Variants in SLC8A3 observed in about 807,000 individuals in gnomAD.
SLC8A3 encodes the protein sodium/calcium exchanger 3.
In SLC8A3, 37 loss-of-function variants were observed where a neutral mutation model predicts 65.4. The observed-to-expected ratio is 0.57, with a 90% CI of 0.44 to 0.74. The LOEUF (loss-of-function observed/expected upper bound fraction) is 0.74. SLC8A3 is among the 30% of genes least tolerant of loss of function. SLC8A3 has a pLI of 0.00. For missense variants in SLC8A3, 1,112 were observed against 1,172.1 expected, an observed-to-expected ratio of 0.95 and a Z score of 0.75; for synonymous variants, 461 against 444.5, an observed-to-expected ratio of 1.04 and a Z score of -0.47.
At chr14:70,063,108 G>C (rs1403426293) in intron 2 of SLC8A3, among the ~76,000 whole-genome samples, 1 of 152,160 alleles carries the variant, frequency 6.6e-6, no homozygotes, top group Non-Finnish European at 1.5e-5. Flanking sequence ...ATTTGGGTCA[G>C]GATGATCTCC....
At chr14:70,168,842 T>G (rs1897327411) in intron 1 of SLC8A3, among the ~76,000 whole-genome samples, 1 of 152,212 alleles carries the variant, frequency 6.6e-6, no homozygotes, top group East Asian at 1.9e-4. Context: ...ATTTATACTG[T>G]TTCTGGGGTG....
intron 2 of SLC8A3, among the ~76,000 whole-genome samples, chr14:70,095,074 A>G (rs1892073611): frequency 1.3e-5 from 2 of 151,624 alleles, no homozygotes; most frequent in East Asian, 1.9e-4. Context: ...GCAAGCGCTC[A>G]CCTCATAGAG....
intron 2 of SLC8A3, among the ~76,000 whole-genome samples, chr14:70,064,958 G>A (rs980596704): frequency 6.6e-6 from 1 of 152,056 alleles, no homozygotes; most frequent in African/African-American, 2.4e-5. Context: ...ATTTCCCAGG[G>A]AAGATGTTTA....
intron 2 of SLC8A3, among the ~76,000 whole-genome samples, chr14:70,084,412 G>T (rs17107768): frequency 6.6e-6 from 1 of 152,056 alleles, no homozygotes; most frequent in Admixed American, 6.5e-5. Context: ...TCCTGTGAGC[G>T]GGTGGTTATC....
intron 2 of SLC8A3, among the ~76,000 whole-genome samples, chr14:70,159,074 A>G (rs914397186): frequency 1.3e-5 from 2 of 152,146 alleles, no homozygotes; most frequent in African/African-American, 4.8e-5. Context: ...AACTTTCTCA[A>G]ACTGGGTTCT....
chr14:70,143,630 C>T (rs369840999), intron 2 of SLC8A3, among the ~76,000 whole-genome samples: 5 of 152,192 alleles, frequency 3.3e-5, no homozygotes, highest in South Asian at 2.1e-4. Flanking sequence ...TCAAGCTTCC[C>T]GGGTAATTCT....
At chr14:70,052,644 T>G (rs1361633328) in intron 3 of SLC8A3, among the ~76,000 whole-genome samples, 1 of 152,246 alleles carries the variant, frequency 6.6e-6, no homozygotes, top group Non-Finnish European at 1.5e-5. Context: ...GATGAGTCCA[T>G]TTTAAGAGCA....
chr14:70,168,585 T>C (rs1897319442), intron 1 of SLC8A3, 101 bp from the exon 2 acceptor site: 1 of 607,382 alleles, frequency 1.6e-6, no homozygotes, highest in Non-Finnish European at 2.9e-6. Flanking sequence ...CAGTGACATA[T>C]TGCACTAACA....
intron 2 of SLC8A3, 38 bp from the exon 3 acceptor site, chr14:70,060,977 T>G (rs991989116): frequency 1.0e-6 from 1 of 964,384 alleles, no homozygotes; most frequent in African/African-American, 1.6e-5. Flanking sequence ...GTCGACTGGG[T>G]CGGTAGATTG....
At position 70,044,949 on chromosome 14, in the gene SLC8A3, G is replaced by C. The variant is rs761445147; in HGVS notation, c.*998C>G. 1 of 152,188 alleles carries C rather than the reference G, an allele frequency of 6.6e-6. No homozygotes were observed. The highest frequency in any genetic ancestry group is 1.5e-5 in the Non-Finnish European group (1 of 68,024). The allele number at this position is 152,188 out of a possible 1,614,324, so 9.4% of individuals were successfully genotyped here. On this transcript the variant is annotated 3_prime_UTR_variant, in exon 7 of 7. Transcript: ENST00000356921. ...CTCCTGCCTCAGGTACAAAGCCAAA[G>C]ATAATCAAGAAGGCCTGTATCCCTT...
intron 2 of SLC8A3, among the ~76,000 whole-genome samples, chr14:70,118,465 G>A (rs1893808822): frequency 6.6e-6 from 1 of 152,186 alleles, no homozygotes; most frequent in Non-Finnish European, 1.5e-5. Context: ...CTAGAGCTCA[G>A]CCTTTTCAGC....
chr14:70,086,527 G>C (rs776628074), intron 2 of SLC8A3, among the ~76,000 whole-genome samples: 1 of 150,130 alleles, frequency 6.7e-6, no homozygotes, highest in Non-Finnish European at 1.5e-5. Context: ...TCAGCCTCCC[G>C]AGTAGCTGGG....
intron 1 of SLC8A3, among the ~76,000 whole-genome samples, chr14:70,169,175 T>C: frequency 6.6e-6 from 1 of 152,154 alleles, no homozygotes. Flanking sequence ...TGAGCTCCCT[T>C]GGAAAGAAAC....
intron 2 of SLC8A3, among the ~76,000 whole-genome samples, chr14:70,158,704 G>T (rs1896717718): frequency 6.6e-6 from 1 of 152,070 alleles, no homozygotes; most frequent in South Asian, 2.1e-4. Context: ...AATGACAACT[G>T]AACTTATATA....
chr14:70,091,023 A>G (rs74941586), intron 2 of SLC8A3, among the ~76,000 whole-genome samples: 1 of 152,332 alleles, frequency 6.6e-6, no homozygotes, highest in East Asian at 1.9e-4. Flanking sequence ...ACTAAGAGCT[A>G]AAGATCAATT....
chr14:70,122,889 T>G (rs1164419335), intron 2 of SLC8A3, among the ~76,000 whole-genome samples: 1 of 150,762 alleles, frequency 6.6e-6, no homozygotes, highest in Non-Finnish European at 1.5e-5. Flanking sequence ...CTGGCCAACA[T>G]AATGAAACCC....
chr14:70,100,683 GA>G (rs1214968513), intron 2 of SLC8A3, among the ~76,000 whole-genome samples: 2 of 152,152 alleles, frequency 1.3e-5, no homozygotes, highest in Non-Finnish European at 2.9e-5. Flanking sequence ...ATTCCAATCT[GA>G]AAAACTAAAA....
intron 2 of SLC8A3, among the ~76,000 whole-genome samples, chr14:70,164,742 T>C (rs1897074445): frequency 6.6e-6 from 1 of 152,208 alleles, no homozygotes; most frequent in South Asian, 2.1e-4. Flanking sequence ...CGTCAAATTA[T>C]GGCAAATTTT....
chr14:70,084,911 T>C (rs894208970), intron 2 of SLC8A3, among the ~76,000 whole-genome samples: 2 of 152,232 alleles, frequency 1.3e-5, no homozygotes, highest in South Asian at 2.1e-4. Context: ...ATAACGTTTA[T>C]AAGGTGGATG....
Sources: gnomAD v4.1 joint callset for allele counts (sites outside exome capture counted in the v4.1 genomes callset) on GRCh38, gnomAD v4.1.1 for gene constraint, MANE v1.5 for transcripts, NCBI Gene and HGNC (gene_info 2026-07-23, HGNC 2026-07-21) for gene names.